The following TRMT61B variants were observed in gnomAD, a reference collection of about 807,000 sequenced individuals.
The protein encoded by TRMT61B is tRNA (adenine(58)-N(1))-methyltransferase, mitochondrial.
TRMT61B carries 56 observed loss-of-function variants against 52.0 expected under a neutral mutation model. That is an observed-to-expected ratio of 1.08 (90% CI 0.87 to 1.35). The LOEUF (loss-of-function observed/expected upper bound fraction) is 1.35, where lower values mean the gene tolerates loss of function less well. Among genes scored for constraint, TRMT61B ranks in the 40% most tolerant of loss-of-function variants. TRMT61B has a pLI of 0.00. For synonymous variants in TRMT61B, 206 were observed against 220.0 expected (o/e 0.94, Z 0.56); for missense variants, 650 against 577.9 (o/e 1.12, Z -1.28).
In TRMT61B at chr2:28,851,219, T is replaced by C. The variant is rs754244173; in HGVS notation, c.1165A>G (p.Ile389Val). 3 of 1,613,750 alleles carry C rather than the reference T, an allele frequency of 1.9e-6. No homozygotes were observed. The highest frequency in any genetic ancestry group is 1.3e-5 in the African/African-American group (1 of 74,914). The change falls in exon 5 of 7, where the codon ATT (isoleucine) becomes GTT (valine). Residue 389 changes from isoleucine to valine, a missense_variant. Transcript: ENST00000306108. Reference sequence around the variant, plus strand: ...AGGCAAACCAACCAATCTCTGACAATGACCTCGCTTATCTTTTCACATGAA... The same window carrying C: ...AGGCAAACCAACCAATCTCTGACAACGACCTCGCTTATCTTTTCACATGAA... ...ALSCEKISEV[I>V]VRDWLVCLAK...
chr2:28,868,980 G>A (rs1414997221), intron 1 of TRMT61B, among the ~76,000 whole-genome samples: 12 of 152,172 alleles, frequency 7.9e-5, no homozygotes, highest in Admixed American at 7.9e-4. Flanking sequence ...CTCCAGCCTG[G>A]ATGACAGAGT....
At chr2:28,860,272 CAAAAAAAAAAAAAAAAAAAAAAA>C (rs540569211) in intron 3 of TRMT61B, among the ~76,000 whole-genome samples, 2 of 24,476 alleles carry the variant, frequency 8.2e-5, no homozygotes, top group African/African-American at 1.1e-4. Flanking sequence ...ACTCTGTTGC[CAAAAAAAAAAAAAAAAAAAAAAA>C]AAAAAAAAAA....
chr2:28,865,599 T>G (rs1443599515), intron 1 of TRMT61B, among the ~76,000 whole-genome samples: 1 of 151,320 alleles, frequency 6.6e-6, no homozygotes, highest in Non-Finnish European at 1.5e-5. Flanking sequence ...CAGGATCTAC[T>G]GGAGAAAAAT....
rs35637550 is a variant in TRMT61B at position 28,861,232 on chromosome 2, G to A, written c.879C>T (p.His293=). The A allele has an allele frequency of 3.3e-4, 532 of 1,613,586 alleles. No individual in the cohort carries two copies. In the African/African-American group the frequency reaches 6.5e-3, roughly 20 times the overall value. ...GACTTAATTTCCATGAATCACGCCA[G>A]TGTTTGTAATTCTTCTTAGCCAGAT... The part of the protein sequence containing the change: ...HHDLAKKNYK[H]WRDSWKLSHV... The change falls in exon 3 of 7, where the codon CAC becomes CAT. Residue 293 remains histidine, a synonymous_variant. Coordinates refer to ENST00000306108, the MANE Select transcript of TRMT61B (RefSeq NM_017910.4).
At chr2:28,855,485 G>A (rs1212838450) in intron 3 of TRMT61B, among the ~76,000 whole-genome samples, 1 of 152,136 alleles carries the variant, frequency 6.6e-6, no homozygotes, top group Non-Finnish European at 1.5e-5. Flanking sequence ...TTTGAAGACA[G>A]AGCCAATTAG....
rs753676135 is a variant in TRMT61B, at chr2:28,852,515, A to G, written c.994-16T>C. 8 of 1,518,002 alleles carry G rather than the reference A, an allele frequency of 5.3e-6. No homozygotes were observed. The Admixed American group carries it at 1.3e-4, about 24-fold the overall frequency. 94.0% of individuals were successfully genotyped at this position (1,518,002 alleles called of 1,614,324 possible). ...CCAAAGCTACCTGTGTGGGGGAAAA[A>G]GAGAACTGGATCAGTCTGATTCCGT... On this transcript the variant is annotated splice_polypyrimidine_tract_variant and intron_variant, in intron 3 of 6. Coordinates refer to ENST00000306108, the MANE Select transcript of TRMT61B (RefSeq NM_017910.4).
Position 28,870,209 on chromosome 2 carries a change from G to C in TRMT61B, c.69C>G (p.Phe23Leu), listed in dbSNP as rs142184846. 5.9e-4 allele frequency: 956 copies of C among 1,611,690 alleles called. 4 individuals are homozygous for C. The African/African-American group carries it at 0.011, about 18-fold the overall frequency. The change falls in exon 1 of 7, where the codon TTC becomes TTG. Residue 23 changes from phenylalanine (F) to leucine (L), a missense_variant. Physicochemically the swap from Phe to Leu is conservative, Grantham distance 22. Transcript: ENST00000306108. The stretch of plus-strand genomic sequence containing the variant: ...AGGGCTCCTGCCCCAGGCCGTGCAG[G>C]AATGAATTGGTTCCGAGCCCCTGCC... ...CLRQGLGTNSFLHGLGQEPFE... is the reference protein window; with the variant it reads ...CLRQGLGTNSLLHGLGQEPFE...
chr2:28,850,265 T>C (rs1326905616), intron 6 of TRMT61B, 23 bp from the exon 7 acceptor site: 9 of 1,607,992 alleles, frequency 5.6e-6, no homozygotes, highest in Non-Finnish European at 7.7e-6. Flanking sequence ...AAGAAAAACA[T>C]AAAGTCATTA....
chr2:28,869,827 A>G lies in TRMT61B; in HGVS notation c.451T>C (p.Phe151Leu). ...PSCSTSRERP[F>L]QAGELILAET... is the part of the protein sequence containing the mutation. ...GCTAAAATCAGTTCCCCAGCCTGAA[A>G]GGGTCTCTCTCTGGAAGTTGAACAA... The change falls in exon 1 of 7, where the codon TTT (phenylalanine) becomes CTT (leucine). Residue 151 changes from phenylalanine to leucine, a missense_variant. Phe to Leu is a conservative substitution (Grantham distance 22, BLOSUM62 0). Coordinates refer to ENST00000306108, the MANE Select transcript of TRMT61B (RefSeq NM_017910.4). The G allele has an allele frequency of 6.2e-7, 1 of 1,614,172 alleles. No individual in the cohort carries two copies. Among genetic ancestry groups the G allele is most frequent in the Non-Finnish European group, 8.5e-7 (1 of 1,180,012 alleles).
At chr2:28,864,811 G>C (rs1669759666) in intron 2 of TRMT61B, among the ~76,000 whole-genome samples, 1 of 152,108 alleles carries the variant, frequency 6.6e-6, no homozygotes, top group Non-Finnish European at 1.5e-5. Context: ...GTAAAACAAA[G>C]CAAAGAAAAT....
chr2:28,853,760 C>T (rs1165838951), intron 3 of TRMT61B, among the ~76,000 whole-genome samples: 1 of 151,868 alleles, frequency 6.6e-6, no homozygotes, highest in African/African-American at 2.4e-5. Flanking sequence ...TACTTGAACC[C>T]GGGAGGCAGA....
At chr2:28,864,716 T>G (rs1669754321) in intron 2 of TRMT61B, among the ~76,000 whole-genome samples, 1 of 152,206 alleles carries the variant, frequency 6.6e-6, no homozygotes, top group African/African-American at 2.4e-5. Context: ...ACACTTATGA[T>G]CTGCACACTT....
At chr2:28,851,343 A>G (rs1305347141) in intron 4 of TRMT61B, 45 bp from the exon 5 acceptor site, 3 of 1,316,750 alleles carry the variant, frequency 2.3e-6, no homozygotes, top group Non-Finnish European at 3.1e-6. Flanking sequence ...AAATAATAAC[A>G]TTATATTTAT....
At chr2:28,852,625 T>C (rs1386972016) in intron 3 of TRMT61B, 126 bp from the exon 4 acceptor site, 2 of 634,232 alleles carry the variant, frequency 3.2e-6, no homozygotes, top group South Asian at 4.0e-5. Flanking sequence ...TAGAAGGTAG[T>C]ATTATTAACT....
intron 3 of TRMT61B, among the ~76,000 whole-genome samples, chr2:28,854,523 T>C (rs1240241581): frequency 1.3e-5 from 2 of 151,982 alleles, no homozygotes; most frequent in Non-Finnish European, 2.9e-5. Context: ...GCGGATCACC[T>C]GAGGTCACGA....
intron 2 of TRMT61B, 160 bp from the exon 3 acceptor site, chr2:28,861,468 C>T (rs922880703): frequency 1.6e-6 from 1 of 627,014 alleles, no homozygotes; most frequent in African/African-American, 1.9e-5. Flanking sequence ...AATTAATCTC[C>T]CTCCCTCTTC....
intron 3 of TRMT61B, among the ~76,000 whole-genome samples, chr2:28,859,008 A>ATTGTAC (rs1669477917): frequency 7.3e-6 from 1 of 137,836 alleles, no homozygotes; most frequent in African/African-American, 2.7e-5. Flanking sequence ...GATTCTCCTG[A>ATTGTAC]CTCGGCCTCC....
chr2:28,851,816 T>C (rs1031883314), intron 4 of TRMT61B, among the ~76,000 whole-genome samples: 1 of 140,466 alleles, frequency 7.1e-6, no homozygotes, highest in African/African-American at 2.7e-5. Flanking sequence ...GAGGCGGAGG[T>C]TGCAGCGAGC....
chr2:28,862,312 T>C (rs1669638867), intron 2 of TRMT61B, among the ~76,000 whole-genome samples: 1 of 147,456 alleles, frequency 6.8e-6, no homozygotes, highest in Admixed American at 7.1e-5. Flanking sequence ...TTATCATTTT[T>C]AATGTAGATT....
Sources: allele counts gnomAD v4.1 joint callset (sites outside exome capture counted in the v4.1 genomes callset), GRCh38; gene constraint gnomAD v4.1.1; transcripts MANE v1.5; gene names NCBI Gene and HGNC (gene_info 2026-07-23, HGNC 2026-07-21).